SRGAP3: variants seen among roughly 807,000 people sequenced by gnomAD.
The protein encoded by SRGAP3 is SLIT-ROBO Rho GTPase activating protein 3.
A neutral mutation model predicts 121.1 loss-of-function variants in SRGAP3; 39 were observed. That is an observed-to-expected ratio of 0.32 (90% confidence interval 0.25 to 0.42). The LOEUF (loss-of-function observed/expected upper bound fraction) is 0.42. Among genes scored for constraint, SRGAP3 ranks in the 10% least tolerant of loss-of-function variants. The pLI, the probability that SRGAP3 is intolerant of heterozygous loss-of-function variation, is 1.00. For missense variants in SRGAP3, 1,213 were observed against 1,470.6 expected (o/e 0.82, Z 2.86); for synonymous variants, 601 against 570.0 (o/e 1.05, Z -0.77).
At chr3:9,362,453 T>G (rs577055681) in intron 1 of SRGAP3, among the ~76,000 whole-genome samples, 3 of 148,042 alleles carry the variant, frequency 2.0e-5, no homozygotes, top group Non-Finnish European at 4.5e-5. Flanking sequence ...CATGAGCCAC[T>G]GTGCCCGGCC....
At chr3:9,297,295 C>T (rs755886832) in intron 3 of SRGAP3, among the ~76,000 whole-genome samples, 39 of 152,110 alleles carry the variant, frequency 2.6e-4, no homozygotes, top group Non-Finnish European at 3.2e-4. Context: ...TTGCTATTTT[C>T]CTGCTTGGGG....
At chr3:9,053,321 T>C in intron 8 of SRGAP3, 97 bp from the exon 9 acceptor site, 6 of 1,231,762 alleles carry the variant, frequency 4.9e-6, no homozygotes, top group East Asian at 2.5e-5. Flanking sequence ...TTCTTCCATA[T>C]GAAGTCCCTA....
intron 3 of SRGAP3, among the ~76,000 whole-genome samples, chr3:9,276,086 C>T (rs1559255609): frequency 6.6e-6 from 1 of 152,126 alleles, no homozygotes; most frequent in Non-Finnish European, 1.5e-5. Context: ...GGGTTATAAA[C>T]ATGTATTGAA....
rs79488851 is a variant in SRGAP3 at position 9,322,338 on chromosome 3, A to T, written n.442+3672T>A. On this transcript the variant is annotated intron_variant and non_coding_transcript_variant, in intron 3 of 3. Transcript: ENST00000490889. ...CCAAGTGCGTTAAGTGGCAGCACAC[A>T]AGGCCTTCCCAAAGTGGGTTCCATG... is the stretch of plus-strand genomic sequence containing the variant. Among the ~76,000 whole-genome samples the T allele has an allele frequency of 3.8e-3, 574 of 151,938 alleles. 2 individuals carry two copies. Among genetic ancestry groups the T allele is most frequent in the Non-Finnish European group, 6.6e-3 (449 of 67,964 alleles).
At chr3:9,186,806 C>G (rs1446476464) in intron 1 of SRGAP3, among the ~76,000 whole-genome samples, 1 of 152,156 alleles carries the variant, frequency 6.6e-6, no homozygotes, top group East Asian at 1.9e-4. Flanking sequence ...CAATAAGCTG[C>G]TCTTGAATAA....
chr3:9,068,919 C>T (rs748859351), intron 4 of SRGAP3, among the ~76,000 whole-genome samples: 2 of 152,166 alleles, frequency 1.3e-5, no homozygotes, highest in Non-Finnish European at 2.9e-5. Flanking sequence ...ACTTGCCAGG[C>T]CTTGCTTTAT....
intron 1 of SRGAP3, among the ~76,000 whole-genome samples, chr3:9,137,394 G>A (rs1230166391): frequency 6.6e-6 from 1 of 152,188 alleles, no homozygotes; most frequent in African/African-American, 2.4e-5. Flanking sequence ...TGGGAAGGCA[G>A]TGCTGGGTGA....
rs142074721 is a variant in SRGAP3, at chr3:9,060,297, G to C, written c.735C>G (p.Leu245=). Residue 245 remains leucine (L), a synonymous_variant, in exon 6 of 22, where the codon CTC becomes CTG. Coordinates refer to ENST00000383836, the MANE Select transcript of SRGAP3 (RefSeq NM_014850.4). ...KCTKARNDYL[L]NLAATNAAIS... is the part of the protein sequence containing the mutation. ...TAGCTGCGTTGGTGGCTGCCAGATT[G>C]AGCAAGTAGTCATTCCGGGCCTTTG... 15 of 1,614,088 alleles carry C rather than the reference G, an allele frequency of 9.3e-6. No individual in the cohort carries two copies. The Admixed American group carries it at 2.5e-4, about 27-fold the overall frequency.
intron 21 of SRGAP3, among the ~76,000 whole-genome samples, chr3:8,989,246 T>C (rs1380252502): frequency 6.6e-6 from 1 of 152,220 alleles, no homozygotes; most frequent in Non-Finnish European, 1.5e-5. Context: ...TCTAGACTGG[T>C]AGAGTTTCCA....
intron 1 of SRGAP3, among the ~76,000 whole-genome samples, chr3:9,185,754 C>G (rs1483450360): frequency 6.6e-6 from 1 of 151,952 alleles, no homozygotes; most frequent in Non-Finnish European, 1.5e-5. Context: ...TCAGGCTGGT[C>G]TCAAACTCCT....
chr3:9,219,832 CAG>C (rs1952749741), intron 1 of SRGAP3, among the ~76,000 whole-genome samples: 3 of 151,952 alleles, frequency 2.0e-5, no homozygotes, highest in Admixed American at 1.3e-4. Context: ...GCCTGGGCGA[CAG>C]AGTACAAAAA....
rs567956396 is a variant in SRGAP3 at position 9,282,178 on chromosome 3, T to C, written n.442+43832A>G. On this transcript the variant is annotated intron_variant and non_coding_transcript_variant, in intron 3 of 3. Coordinates refer to the SRGAP3 transcript ENST00000490889. ...TCAGGACTTCAACACTTAAATATTA[T>C]TGAAGACTCCCAAAAAGATTTTGTT... 6.6e-5 allele frequency among the ~76,000 whole-genome samples: 10 copies of C among 152,356 alleles called. No individual in the cohort carries two copies. The Middle Eastern group carries it at 0.014, about 207-fold the overall frequency.
intron 10 of SRGAP3, among the ~76,000 whole-genome samples, chr3:9,044,715 G>C (rs1321446809): frequency 1.3e-5 from 2 of 152,178 alleles, no homozygotes; most frequent in Non-Finnish European, 2.9e-5. Flanking sequence ...TCTTAGAAGA[G>C]AATCCTACTG....
chr3:9,094,819 A>T (rs141243594), intron 3 of SRGAP3, among the ~76,000 whole-genome samples: 4,005 of 152,056 alleles, frequency 0.026, 180 homozygotes, highest in African/African-American at 0.091. Flanking sequence ...GCAGTAGTGT[A>T]ATCATAGCTC....
chr3:9,093,808 G>A (rs184211698), intron 3 of SRGAP3, among the ~76,000 whole-genome samples: 51 of 152,176 alleles, frequency 3.4e-4, no homozygotes, highest in African/African-American at 1.2e-3. Context: ...CCCCATTCAA[G>A]AACCTTCAAT....
chr3:9,113,937 C>T (rs867614560), intron 2 of SRGAP3, among the ~76,000 whole-genome samples: 2 of 152,154 alleles, frequency 1.3e-5, no homozygotes, highest in Non-Finnish European at 2.9e-5. Context: ...TATTATCCCC[C>T]ACCCACCAGG....
intron 9 of SRGAP3, among the ~76,000 whole-genome samples, chr3:9,052,815 C>A (rs531148212): frequency 1.3e-5 from 2 of 152,278 alleles, no homozygotes; most frequent in South Asian, 4.1e-4. Context: ...AATCATCACC[C>A]AAGATCAATG....
rs754547731 is a variant in SRGAP3, at chr3:8,990,735, C to T, written c.2663G>A (p.Arg888Gln). The change falls in exon 21 of 22, where the codon CGG (arginine) becomes CAG (glutamine). Residue 888 changes from arginine to glutamine, a missense_variant. Physicochemically the swap from Arg to Gln is conservative, Grantham distance 43. Transcript: ENST00000383836. Reference protein sequence around the residue: ...GLGPSIDTPPRAAACPSSPHK... With the variant: ...GLGPSIDTPPQAAACPSSPHK... The stretch of plus-strand genomic sequence containing the variant: ...GGGGCTGCTGGGGCAGGCAGCAGCC[C>T]GGGGTGGTGTGTCTATGCTGGGGCC... 43 of 1,609,890 alleles carry T rather than the reference C, an allele frequency of 2.7e-5. No homozygotes were observed. The highest frequency in any genetic ancestry group is 8.4e-5 in the Admixed American group (5 of 59,684).
intron 18 of SRGAP3, among the ~76,000 whole-genome samples, chr3:8,998,824 C>A (rs1263816373): frequency 1.3e-5 from 2 of 152,198 alleles, no homozygotes; most frequent in East Asian, 3.9e-4. Context: ...AATCCCATAA[C>A]AACATTTGAG....
Sources: gnomAD v4.1 joint callset for allele counts (sites outside exome capture counted in the v4.1 genomes callset) on GRCh38, gnomAD v4.1.1 for gene constraint, MANE v1.5 for transcripts, NCBI Gene and HGNC (gene_info 2026-07-23, HGNC 2026-07-21) for gene names.